ROBO2: variants seen among roughly 807,000 people sequenced by gnomAD.
ROBO2 encodes the protein roundabout homolog 2.
In ROBO2, 53 loss-of-function variants were observed where a neutral mutation model predicts 160.8. The ratio of observed to expected loss-of-function variants is 0.33; its 90% CI spans 0.26 to 0.41. The LOEUF (loss-of-function observed/expected upper bound fraction) is 0.41. Among genes scored for constraint, ROBO2 ranks in the 10% least tolerant of loss-of-function variants. The pLI is 1.00. For synonymous variants in ROBO2, 664 were observed against 611.7 expected, an observed-to-expected ratio of 1.09 and a Z score of -1.26; for missense variants, 1,577 against 1,722.4, an observed-to-expected ratio of 0.92 and a Z score of 1.49.
chr3:77,627,102 A>T (rs1368801513), intron 23 of ROBO2, among the ~76,000 whole-genome samples: 1 of 152,220 alleles, frequency 6.6e-6, no homozygotes, highest in Non-Finnish European at 1.5e-5. Flanking sequence ...TACAGGTTTG[A>T]TGCCTTTAAA....
chr3:76,392,781 A>G (rs1282010679), intron 2 of ROBO2, among the ~76,000 whole-genome samples: 2 of 152,200 alleles, frequency 1.3e-5, no homozygotes, highest in East Asian at 1.9e-4. Flanking sequence ...CAAGTTCTAC[A>G]TTTTATATAG....
chr3:76,852,410 G>C (rs2069502101), intron 2 of ROBO2, among the ~76,000 whole-genome samples: 1 of 152,106 alleles, frequency 6.6e-6, no homozygotes, highest in Admixed American at 6.5e-5. Context: ...TAATAACAGA[G>C]GCTCTAAAAC....
intron 21 of ROBO2, among the ~76,000 whole-genome samples, chr3:77,611,576 G>A (rs75953030): frequency 0.019 from 2,914 of 152,148 alleles, 40 homozygotes; most frequent in Non-Finnish European, 0.026. Context: ...CCAGCTAATG[G>A]TAATCATCAC....
At chr3:77,185,519 T>C (rs1216151779) in intron 2 of ROBO2, among the ~76,000 whole-genome samples, 2 of 151,768 alleles carry the variant, frequency 1.3e-5, no homozygotes, top group Non-Finnish European at 2.9e-5. Context: ...CAAAAAGTAA[T>C]AGATGTTGGT....
At position 76,579,295 on chromosome 3, in the gene ROBO2, T is replaced by A. The variant is rs77104595; in HGVS notation, c.110-518719T>A. The stretch of plus-strand genomic sequence containing the variant: ...CTCTGTCCTGAGTCAATTTCATATA[T>A]CTCCAGTATATTTTTTAATTCATTC... On this transcript the variant is annotated intron_variant, in intron 2 of 26. Transcript: ENST00000487694. Among the ~76,000 whole-genome samples the A allele has an allele frequency of 8.5e-3, 1,293 of 152,280 alleles. 19 individuals carry two copies. Among genetic ancestry groups the A allele is most frequent in the African/African-American group, 0.029 (1,191 of 41,550 alleles).
chr3:76,130,313 T>C (rs1472979454), intron 2 of ROBO2, among the ~76,000 whole-genome samples: 1 of 152,136 alleles, frequency 6.6e-6, no homozygotes, highest in African/African-American at 2.4e-5. Context: ...TTATTTGTAA[T>C]GGTAAAACAA....
intron 2 of ROBO2, among the ~76,000 whole-genome samples, chr3:77,405,416 TATC>T (rs1280577996): frequency 6.6e-6 from 1 of 152,084 alleles, no homozygotes; most frequent in Non-Finnish European, 1.5e-5. Flanking sequence ...AAATTAAAAA[TATC>T]ATAGTACCAT....
intron 2 of ROBO2, among the ~76,000 whole-genome samples, chr3:76,387,185 C>T (rs2076932613): frequency 1.3e-5 from 2 of 152,050 alleles, no homozygotes; most frequent in Non-Finnish European, 2.9e-5. Flanking sequence ...TTTTGTAAGG[C>T]AGTAATCCCA....
At chr3:76,650,819 G>A (rs973753756) in intron 2 of ROBO2, among the ~76,000 whole-genome samples, 2 of 152,142 alleles carry the variant, frequency 1.3e-5, no homozygotes, top group African/African-American at 4.8e-5. Context: ...CATAGCAGGA[G>A]TACTGAGATT....
At chr3:76,316,237 G>C (rs2072012257) in intron 2 of ROBO2, among the ~76,000 whole-genome samples, 1 of 152,126 alleles carries the variant, frequency 6.6e-6, no homozygotes, top group Non-Finnish European at 1.5e-5. Context: ...TAGTAAGCCT[G>C]AGGGTACTGC....
chr3:76,930,600 G>T (rs547218029), intron 2 of ROBO2, among the ~76,000 whole-genome samples: 37 of 152,250 alleles, frequency 2.4e-4, no homozygotes, highest in African/African-American at 6.7e-4. Flanking sequence ...ATTATGGAAG[G>T]TTGGTTTACT....
At chr3:77,157,228 GA>G (rs1309061618) in intron 2 of ROBO2, among the ~76,000 whole-genome samples, 1 of 151,974 alleles carries the variant, frequency 6.6e-6, no homozygotes, top group Non-Finnish European at 1.5e-5. Context: ...GCAGAACCAG[GA>G]AATAATTCAA....
At chr3:77,212,426 G>T (rs2084301989) in intron 2 of ROBO2, among the ~76,000 whole-genome samples, 1 of 152,168 alleles carries the variant, frequency 6.6e-6, no homozygotes, top group African/African-American at 2.4e-5. Flanking sequence ...CATTGATTTT[G>T]TATCCTGAGA....
chr3:76,640,463 G>A (rs2090597894), intron 2 of ROBO2, among the ~76,000 whole-genome samples: 1 of 152,064 alleles, frequency 6.6e-6, no homozygotes. Flanking sequence ...TCTGGGAGGT[G>A]GAGGTTGCAG....
chr3:76,876,995 C>A (rs1308216257), intron 2 of ROBO2, among the ~76,000 whole-genome samples: 2 of 148,802 alleles, frequency 1.3e-5, no homozygotes, highest in African/African-American at 2.4e-5. Context: ...AGAAAAAATA[C>A]ATCTACATAT....
At chr3:77,115,268 A>G (rs1372066550) in intron 2 of ROBO2, among the ~76,000 whole-genome samples, 1 of 152,170 alleles carries the variant, frequency 6.6e-6, no homozygotes, top group Non-Finnish European at 1.5e-5. Context: ...GAGAAATTTC[A>G]GAACTAGTTT....
At chr3:76,932,852 C>G (rs879660687) in intron 2 of ROBO2, among the ~76,000 whole-genome samples, 2 of 152,090 alleles carry the variant, frequency 1.3e-5, no homozygotes, top group Non-Finnish European at 2.9e-5. Flanking sequence ...TATCTACTCT[C>G]AGGTGTTCAT....
intron 23 of ROBO2, among the ~76,000 whole-genome samples, chr3:77,624,919 TTCAATAACAACAC>T (rs2094978263): frequency 2.0e-5 from 3 of 152,144 alleles, no homozygotes; most frequent in Non-Finnish European, 4.4e-5. Flanking sequence ...AGAATATTAG[TTCAATAACAACAC>T]TGGGATGGGC....
chr3:76,067,238 A>G (rs2068284470), intron 2 of ROBO2, among the ~76,000 whole-genome samples: 1 of 152,220 alleles, frequency 6.6e-6, no homozygotes, highest in African/African-American at 2.4e-5. Flanking sequence ...TGGGGATAAT[A>G]AAGAATACAA....
Sources: gnomAD v4.1 joint callset for allele counts (sites outside exome capture counted in the v4.1 genomes callset) on GRCh38, gnomAD v4.1.1 for gene constraint, MANE v1.5 for transcripts, NCBI Gene and HGNC (gene_info 2026-07-23, HGNC 2026-07-21) for gene names.